Variants in IQCJ observed in about 807,000 individuals in gnomAD.
IQCJ encodes the protein IQ motif containing J.
A neutral mutation model predicts 11.0 loss-of-function variants in IQCJ; 9 were observed. The ratio of observed to expected loss-of-function variants is 0.82; its 90% CI spans 0.49 to 1.43. The LOEUF (loss-of-function observed/expected upper bound fraction) is 1.43, where lower values mean the gene tolerates loss of function less well. Among genes scored for constraint, IQCJ ranks in the 40% most tolerant of loss-of-function variants. The pLI, the probability that IQCJ is intolerant of heterozygous loss-of-function variation, is 0.00. For missense variants in IQCJ, 146 were observed against 133.2 expected (o/e 1.10, Z -0.47); for synonymous variants, 55 against 51.3 (o/e 1.07, Z -0.31).
intron 1 of IQCJ, among the ~76,000 whole-genome samples, chr3:159,168,338 G>A (rs1004313396): frequency 1.3e-5 from 2 of 152,194 alleles, no homozygotes; most frequent in Admixed American, 6.5e-5. Flanking sequence ...TTAACAGGCA[G>A]AGACTGTCCT....
intron 1 of IQCJ, among the ~76,000 whole-genome samples, chr3:159,158,036 G>A (rs1388672840): frequency 2.0e-5 from 3 of 152,142 alleles, no homozygotes; most frequent in Admixed American, 2.0e-4. Context: ...GCAAGTAGGT[G>A]TGTATATAAA....
At chr3:159,172,029 T>G (rs1022440672) in intron 1 of IQCJ, among the ~76,000 whole-genome samples, 2 of 152,196 alleles carry the variant, frequency 1.3e-5, no homozygotes, top group Non-Finnish European at 2.9e-5. Context: ...GGGGAAAATA[T>G]TGTAGCAATA....
chr3:159,189,926 T>C (rs1723588192), intron 1 of IQCJ, among the ~76,000 whole-genome samples: 1 of 152,158 alleles, frequency 6.6e-6, no homozygotes, highest in Non-Finnish European at 1.5e-5. Flanking sequence ...CTAGGGTTCT[T>C]CAAAACTCAC....
chr3:159,218,914 C>G (rs116015894), intron 1 of IQCJ, among the ~76,000 whole-genome samples: 1 of 151,990 alleles, frequency 6.6e-6, no homozygotes, highest in African/African-American at 2.4e-5. Context: ...TCAATTCACT[C>G]GTTTACCCCA....
chr3:159,181,428 ACTTCCT>A (rs1723086945), intron 1 of IQCJ, among the ~76,000 whole-genome samples: 2 of 141,726 alleles, frequency 1.4e-5, no homozygotes, highest in African/African-American at 5.3e-5. Flanking sequence ...GAGTGGCTAG[ACTTCCT>A]GCCCAGTGAG....
At chr3:159,153,055 T>A (rs987937732) in intron 1 of IQCJ, among the ~76,000 whole-genome samples, 5 of 152,230 alleles carry the variant, frequency 3.3e-5, no homozygotes, top group African/African-American at 1.2e-4. Flanking sequence ...GCTTAAATAA[T>A]GTTTAAGGGT....
At chr3:159,085,561 A>G (rs893278909) in intron 1 of IQCJ, among the ~76,000 whole-genome samples, 4 of 147,178 alleles carry the variant, frequency 2.7e-5, no homozygotes, top group African/African-American at 1.0e-4. Flanking sequence ...CTATTTCTCC[A>G]CATCCTCTCC....
At chr3:159,087,150 G>A (rs1044846770) in intron 1 of IQCJ, among the ~76,000 whole-genome samples, 1 of 152,106 alleles carries the variant, frequency 6.6e-6, no homozygotes, top group African/African-American at 2.4e-5. Flanking sequence ...TTTGCCAAAG[G>A]CCTTTTCTGC....
At chr3:159,164,325 T>G (rs556888253) in intron 1 of IQCJ, among the ~76,000 whole-genome samples, 13 of 152,312 alleles carry the variant, frequency 8.5e-5, no homozygotes, top group African/African-American at 2.2e-4. Flanking sequence ...ACAAATCAGA[T>G]GTTCACAAAG....
chr3:159,108,986 A>G (rs926282946), intron 1 of IQCJ, among the ~76,000 whole-genome samples: 1 of 152,216 alleles, frequency 6.6e-6, no homozygotes, highest in Admixed American at 6.5e-5. Flanking sequence ...GGACTGTACT[A>G]GACACTTTAA....
intron 1 of IQCJ, among the ~76,000 whole-genome samples, chr3:159,172,774 G>T (rs1722555751): frequency 6.6e-6 from 1 of 150,596 alleles, no homozygotes; most frequent in Admixed American, 6.6e-5. Context: ...GGCGGGCGGG[G>T]GGGTGGGGGT....
At chr3:159,120,635 C>A (rs1719313906) in intron 1 of IQCJ, among the ~76,000 whole-genome samples, 1 of 152,196 alleles carries the variant, frequency 6.6e-6, no homozygotes, top group Non-Finnish European at 1.5e-5. Context: ...AAGAGACTGT[C>A]TTCCTGCCAG....
At chr3:159,233,446 A>C (rs1726387510) in intron 1 of IQCJ, among the ~76,000 whole-genome samples, 1 of 152,200 alleles carries the variant, frequency 6.6e-6, no homozygotes, top group Non-Finnish European at 1.5e-5. Flanking sequence ...AACTAATGGG[A>C]AATGGGTTGA....
intron 1 of IQCJ, among the ~76,000 whole-genome samples, chr3:159,150,387 G>A (rs1310104555): frequency 4.6e-5 from 7 of 152,124 alleles, no homozygotes; most frequent in African/African-American, 1.7e-4. Flanking sequence ...GTTCCCATTT[G>A]CCATTGGCTG....
chr3:159,244,854 C>T (rs1727152358), intron 1 of IQCJ, among the ~76,000 whole-genome samples: 1 of 152,102 alleles, frequency 6.6e-6, no homozygotes, highest in African/African-American at 2.4e-5. Context: ...TCTAACTGCG[C>T]CTTCCCCTTG....
intron 1 of IQCJ, among the ~76,000 whole-genome samples, chr3:159,197,831 GT>G (rs111720928): frequency 4.0e-4 from 58 of 145,422 alleles, no homozygotes; most frequent in South Asian, 2.6e-3. Flanking sequence ...AGCTTTTCCT[GT>G]TTTTTTTTTT....
chr3:159,146,976 C>T (rs187182308), intron 1 of IQCJ, among the ~76,000 whole-genome samples: 101 of 152,242 alleles, frequency 6.6e-4, no homozygotes, highest in South Asian at 2.7e-3. Context: ...AAATGAACAA[C>T]GGCTATATCC....
At chr3:159,188,090 C>G (rs952343975) in intron 1 of IQCJ, among the ~76,000 whole-genome samples, 1 of 152,132 alleles carries the variant, frequency 6.6e-6, no homozygotes, top group African/African-American at 2.4e-5. Context: ...CATTGGTGCT[C>G]TCAGCCTTTT....
Position 159,142,279 on chromosome 3 carries a change from A to G in IQCJ, c.9+72838A>G, listed in dbSNP as rs1347486957. Among the ~76,000 whole-genome samples the G allele has an allele frequency of 3.3e-5, 5 of 152,188 alleles. No homozygotes were observed. In the East Asian group the frequency reaches 9.6e-4, roughly 29 times the overall value. On this transcript the variant is annotated intron_variant, in intron 1 of 3. Transcript: ENST00000397832. ...ATTCCCAAGGATTGTTCAGAGGCAA[A>G]AAACTGCTTGAGGTGTGTACCCAAA...
Sources: gnomAD v4.1 joint callset for allele counts (sites outside exome capture counted in the v4.1 genomes callset) on GRCh38, gnomAD v4.1.1 for gene constraint, MANE v1.5 for transcripts, NCBI Gene and HGNC (gene_info 2026-07-23, HGNC 2026-07-21) for gene names.